The following ZNF215 variants were observed in gnomAD, a reference collection of about 807,000 sequenced individuals.
The protein encoded by ZNF215 is zinc finger protein 215, also known as BWSCR2-associated zinc finger protein 2.
ZNF215 carries 24 observed loss-of-function variants against 27.2 expected under a neutral mutation model. The ratio of observed to expected loss-of-function variants is 0.88; its 90% CI spans 0.64 to 1.24. The LOEUF (loss-of-function observed/expected upper bound fraction) is 1.24. ZNF215 is among the 50% of genes most tolerant of loss of function. The probability of loss-of-function intolerance (pLI) is 0.00; values close to 1 mark genes in which losing one functional copy is unlikely to be tolerated. For synonymous variants in ZNF215, 210 were observed against 204.0 expected, an observed-to-expected ratio of 1.03 and a Z score of -0.25; for missense variants, 675 against 605.7, an observed-to-expected ratio of 1.11 and a Z score of -1.20.
At chr11:6,950,087 T>A (rs1193433330) in intron 6 of ZNF215, among the ~76,000 whole-genome samples, 4 of 151,838 alleles carry the variant, frequency 2.6e-5, no homozygotes, top group Non-Finnish European at 5.9e-5. Flanking sequence ...GTTCCATTGA[T>A]CTATATCTCT....
chr11:6,933,593 C>G (rs1259104048), intron 3 of ZNF215, among the ~76,000 whole-genome samples: 2 of 151,964 alleles, frequency 1.3e-5, no homozygotes, highest in African/African-American at 4.8e-5. Context: ...CGAGACCATC[C>G]TGGCTAACAT....
At chr11:6,940,058 A>G (rs1448195588) in intron 3 of ZNF215, among the ~76,000 whole-genome samples, 6 of 151,008 alleles carry the variant, frequency 4.0e-5, no homozygotes, top group Non-Finnish European at 1.5e-5. Flanking sequence ...CCCTGTCTCT[A>G]AAGAAAAAAA....
chr11:6,983,025 A>G (rs1850991197), intron 5 of ZNF215, among the ~76,000 whole-genome samples: 1 of 150,644 alleles, frequency 6.6e-6, no homozygotes, highest in African/African-American at 2.5e-5. Context: ...ACTAATAAAG[A>G]AGAAAAGAGA....
downstream of ZNF215, among the ~76,000 whole-genome samples, chr11:6,990,794 AAAAGAAGGGTGAT>A (rs1851107224): frequency 3.4e-5 from 1 of 29,242 alleles, no homozygotes; most frequent in Non-Finnish European, 8.5e-5. Flanking sequence ...GGGACTTTGA[AAAAGAAGGGTGAT>A]GAGAATATAT....
At chr11:6,961,703 A>C (rs1292092422), downstream of ZNF215, among the ~76,000 whole-genome samples, 1 of 152,144 alleles carries the variant, frequency 6.6e-6, no homozygotes, top group African/African-American at 2.4e-5. Flanking sequence ...GTGTATTCAC[A>C]GCTTTTAGTT....
chr11:6,940,692 A>T (rs1179662490), intron 3 of ZNF215, among the ~76,000 whole-genome samples: 2 of 152,226 alleles, frequency 1.3e-5, no homozygotes, highest in African/African-American at 4.8e-5. Context: ...AATGCTGATT[A>T]TGATGTAACT....
intron 3 of ZNF215, among the ~76,000 whole-genome samples, chr11:6,937,230 A>C (rs1355152778): frequency 6.6e-6 from 1 of 152,054 alleles, no homozygotes; most frequent in Non-Finnish European, 1.5e-5. Flanking sequence ...AAGTTGCAGG[A>C]TGCAAAGTCA....
Position 6,943,639 on chromosome 11 carries a change from T to G in ZNF215, c.710T>G (p.Phe237Cys). ...MEKEIPRKTI[F>C]DMKSISGEES... ...AAAGAAATACCAAGGAAGACTATTT[T>G]TGGTAAGAACCAGGTAGATATGAGG... Residue 237 changes from phenylalanine (F) to cysteine (C), a missense_variant and splice_region_variant, in exon 6 of 7, where the codon TTT (phenylalanine) becomes TGT (cysteine). Coordinates refer to ENST00000278319, the MANE Select transcript of ZNF215 (RefSeq NM_013250.4). 6.2e-7 allele frequency: 1 copy of G among 1,611,622 alleles called. No homozygotes were observed. Among genetic ancestry groups the G allele is most frequent in the Non-Finnish European group, 8.5e-7 (1 of 1,177,770 alleles).
downstream of ZNF215, among the ~76,000 whole-genome samples, chr11:6,985,080 G>A (rs80129448): frequency 0.011 from 1,622 of 152,086 alleles, 28 homozygotes; most frequent in African/African-American, 0.037. Context: ...ACCAAAACTG[G>A]CAAAGACACA....
Position 6,975,351 on chromosome 11 carries a change from A to T in ZNF215, c.806-8778A>T, listed in dbSNP as rs564531491. 2.0e-5 allele frequency among the ~76,000 whole-genome samples: 3 copies of T among 152,100 alleles called. No individual in the cohort carries two copies. In the East Asian group the frequency reaches 5.8e-4, roughly 29 times the overall value. On this transcript the variant is annotated intron_variant, in intron 5 of 5. Coordinates refer to the ZNF215 transcript ENST00000529903. ...AAAATCACATCATGGAGAGTAGGGT[A>T]TCCATCCCCTCAAGCATTTATCCTT...
chr11:6,949,289 G>C (rs1334568807), intron 6 of ZNF215, among the ~76,000 whole-genome samples: 5 of 152,142 alleles, frequency 3.3e-5, no homozygotes, highest in Admixed American at 2.6e-4. Context: ...GGGTCAAATG[G>C]TATTTCTAGT....
chr11:6,941,751 C>G (rs984427408), intron 4 of ZNF215, 98 bp downstream of exon 4: 9 of 1,262,496 alleles, frequency 7.1e-6, no homozygotes, highest in Admixed American at 2.0e-5. Context: ...AAACATGGTT[C>G]CATCCAAGAA....
At chr11:6,940,769 G>T (rs1411899660) in intron 3 of ZNF215, among the ~76,000 whole-genome samples, 2 of 152,132 alleles carry the variant, frequency 1.3e-5, no homozygotes, top group Non-Finnish European at 2.9e-5. Context: ...GGGTGGAGAT[G>T]ATCCAGATTT....
At position 6,941,770 on chromosome 11, in the gene ZNF215, T is replaced by A. The variant is rs908934714; in HGVS notation, c.483+117T>A. The A allele has an allele frequency of 3.9e-4, 413 of 1,065,366 alleles. 5 individuals carry two copies. The highest frequency in any genetic ancestry group is 6.3e-5 in the Non-Finnish European group (46 of 732,986). 66.0% of individuals were successfully genotyped at this position (1,065,366 alleles called of 1,614,324 possible). ...ATGGTTCCATCCAAGAACATGAGAC[T>A]TTTATTTTCCCACAGGACACTGGAC... On this transcript the variant is annotated intron_variant, in intron 4 of 6. Transcript: ENST00000278319.
At chr11:6,976,014 C>T (rs1850827916) in intron 5 of ZNF215, among the ~76,000 whole-genome samples, 2 of 152,044 alleles carry the variant, frequency 1.3e-5, no homozygotes, top group South Asian at 2.1e-4. Flanking sequence ...AAATGCTATG[C>T]CTGTCCTTTG....
At chr11:6,928,958 G>T (rs1389372859) in intron 2 of ZNF215, among the ~76,000 whole-genome samples, 1 of 152,094 alleles carries the variant, frequency 6.6e-6, no homozygotes, top group African/African-American at 2.4e-5. Context: ...TGGCAGCTGC[G>T]AATGAGGAGA....
At chr11:6,984,521 C>T (rs917194671) in exon 6 of ZNF215, 1 of 152,782 alleles carries the variant, frequency 6.5e-6, no homozygotes, top group Non-Finnish European at 1.5e-5. Flanking sequence ...CATGAAGATA[C>T]TTGTCACAGC....
At position 6,955,745 on chromosome 11, in the gene ZNF215, T is replaced by C; in HGVS notation, c.768T>C (p.Leu256=). 3 of 1,605,130 alleles carry C rather than the reference T, an allele frequency of 1.9e-6. No individual in the cohort carries two copies. Among genetic ancestry groups the C allele is most frequent in the Non-Finnish European group, 2.5e-6 (3 of 1,177,424 alleles). The change falls in exon 7 of 7, where the codon CTT becomes CTC. Residue 256 remains leucine (L), a synonymous_variant. Transcript: ENST00000278319. The part of the protein sequence containing the change: ...ESSHGVIMTR[L]TESGHPSSDA... Reference sequence around the variant, plus strand: ...CCCATGGAGTGATTATGACAAGGCTTACCGAAAGTGGACACCCTTCTTCAG... The same window carrying C: ...CCCATGGAGTGATTATGACAAGGCTCACCGAAAGTGGACACCCTTCTTCAG...
At chr11:6,947,815 T>C (rs1849876867) in intron 6 of ZNF215, among the ~76,000 whole-genome samples, 1 of 152,230 alleles carries the variant, frequency 6.6e-6, no homozygotes, top group African/African-American at 2.4e-5. Context: ...GAATGCAGCA[T>C]TCCAGGGCTC....
Sources: allele counts gnomAD v4.1 joint callset (sites outside exome capture counted in the v4.1 genomes callset), GRCh38; gene constraint gnomAD v4.1.1; transcripts MANE v1.5; gene names NCBI Gene and HGNC (gene_info 2026-07-23, HGNC 2026-07-21).